The following PAM variants were observed in gnomAD, a reference collection of about 807,000 sequenced individuals.
PAM encodes the protein peptidyl-glycine alpha-amidating monooxygenase.
A neutral mutation model predicts 122.1 loss-of-function variants in PAM; 72 were observed. The ratio of observed to expected loss-of-function variants is 0.59; its 90% confidence interval spans 0.49 to 0.72. The LOEUF (loss-of-function observed/expected upper bound fraction) is 0.72. Among genes scored for constraint, PAM ranks in the 30% least tolerant of loss-of-function variants. The pLI is 0.00. For synonymous variants in PAM, 389 were observed against 404.4 expected, an observed-to-expected ratio of 0.96 and a Z score of 0.46; for missense variants, 1,106 against 1,183.7, an observed-to-expected ratio of 0.93 and a Z score of 0.96.
At chr5:102,822,817 A>C (rs1772399390) in intron 1 of PAM, among the ~76,000 whole-genome samples, 1 of 152,104 alleles carries the variant, frequency 6.6e-6, no homozygotes. Context: ...CTGGGTGAGG[A>C]AGCCAACTTT....
intron 2 of PAM, 116 bp from the exon 3 acceptor site, chr5:102,867,157 T>A (rs886074438): frequency 7.7e-6 from 5 of 650,038 alleles, no homozygotes; most frequent in Admixed American, 2.8e-5. Flanking sequence ...CTTTAGAGTT[T>A]TCATTGGGTT....
intron 1 of PAM, among the ~76,000 whole-genome samples, chr5:102,839,719 A>G (rs1321578648): frequency 6.6e-6 from 1 of 152,174 alleles, no homozygotes; most frequent in African/African-American, 2.4e-5. Context: ...CCAGTGAGTT[A>G]GAGTAGCCTA....
At chr5:102,794,664 C>G (rs981293463) in intron 1 of PAM, among the ~76,000 whole-genome samples, 2 of 151,910 alleles carry the variant, frequency 1.3e-5, no homozygotes, top group African/African-American at 4.8e-5. Context: ...ATTACATGTA[C>G]AAATTAAATA....
chr5:102,845,621 G>A (rs1023688536), intron 1 of PAM, among the ~76,000 whole-genome samples: 2 of 152,088 alleles, frequency 1.3e-5, no homozygotes, highest in South Asian at 2.1e-4. Context: ...AACTAATTAA[G>A]GTCAGAACAT....
At chr5:103,011,610 C>T (rs1780663110) in intron 21 of PAM, among the ~76,000 whole-genome samples, 1 of 152,124 alleles carries the variant, frequency 6.6e-6, no homozygotes, top group Non-Finnish European at 1.5e-5. Flanking sequence ...CTTTTTGTGG[C>T]TGAATAATAC....
intron 16 of PAM, among the ~76,000 whole-genome samples, chr5:102,998,471 A>G (rs1475389364): frequency 6.6e-6 from 1 of 152,218 alleles, no homozygotes; most frequent in African/African-American, 2.4e-5. Context: ...CAATCTACAT[A>G]TAAAGTAGAT....
intron 1 of PAM, among the ~76,000 whole-genome samples, chr5:102,823,056 A>T (rs1230627593): frequency 6.6e-6 from 1 of 152,180 alleles, no homozygotes; most frequent in Non-Finnish European, 1.5e-5. Context: ...GTTGAAAAAG[A>T]TTTCTGAGAA....
At chr5:102,868,222 A>G (rs1446255884) in intron 3 of PAM, among the ~76,000 whole-genome samples, 1 of 152,038 alleles carries the variant, frequency 6.6e-6, no homozygotes, top group Non-Finnish European at 1.5e-5. Flanking sequence ...GTGGCTGATG[A>G]CTCATTGTTG....
intron 5 of PAM, 97 bp downstream of exon 5, chr5:102,914,118 T>C: frequency 1.4e-6 from 1 of 704,334 alleles, no homozygotes; most frequent in Non-Finnish European, 2.6e-6. Context: ...AGTTAATAAA[T>C]AGGCAGAACA....
Position 102,979,122 on chromosome 5 carries a change from C to T in PAM, c.1483+4686C>T, listed in dbSNP as rs115581960. 7.1e-3 allele frequency among the ~76,000 whole-genome samples: 1,072 copies of T among 151,890 alleles called. 8 individuals are homozygous for T. Among genetic ancestry groups the T allele is most frequent in the Non-Finnish European group, 0.012 (840 of 67,940 alleles). The stretch of plus-strand genomic sequence containing the variant: ...AAATAGGAAGATGATTTTTTCTAGT[C>T]ATCTGATTATCTCAGGCTACAATTG... On this transcript the variant is annotated intron_variant, in intron 15 of 25. Coordinates refer to ENST00000438793, the MANE Select transcript of PAM (RefSeq NM_001177306.2).
At chr5:102,762,351 T>C (rs534267079) in intron 1 of PAM, among the ~76,000 whole-genome samples, 1 of 152,340 alleles carries the variant, frequency 6.6e-6, no homozygotes, top group African/African-American at 2.4e-5. Flanking sequence ...CCCAGTTTCA[T>C]GCTGTCCTTT....
At chr5:102,829,375 T>G (rs200459057) in intron 1 of PAM, among the ~76,000 whole-genome samples, 1 of 141,168 alleles carries the variant, frequency 7.1e-6, no homozygotes, top group Non-Finnish European at 1.5e-5. Flanking sequence ...TTTTTTTTTT[T>G]TTTTTTTTTT....
intron 1 of PAM, among the ~76,000 whole-genome samples, chr5:102,782,725 CTG>C (rs35149404): frequency 0.04 from 5,550 of 139,430 alleles, 126 homozygotes; most frequent in East Asian, 0.12. Context: ...CTCTCTCTCT[CTG>C]TGTGTGTGTG....
chr5:102,833,551 G>A (rs1438299978), intron 1 of PAM, among the ~76,000 whole-genome samples: 23 of 152,136 alleles, frequency 1.5e-4, no homozygotes, highest in Admixed American at 1.5e-3. Flanking sequence ...TTTCAATGTG[G>A]ACATTGAGAT....
intron 4 of PAM, among the ~76,000 whole-genome samples, chr5:102,901,642 C>T (rs980629796): frequency 1.3e-5 from 2 of 151,600 alleles, no homozygotes; most frequent in African/African-American, 4.8e-5. Flanking sequence ...GAGTTGCATG[C>T]AGATGTTGAT....
At chr5:102,976,314 T>G (rs1328666003) in intron 15 of PAM, among the ~76,000 whole-genome samples, 1 of 152,188 alleles carries the variant, frequency 6.6e-6, no homozygotes, top group East Asian at 1.9e-4. Context: ...TTTCACCATT[T>G]ACTGTAATGC....
intron 5 of PAM, among the ~76,000 whole-genome samples, chr5:102,921,828 T>A (rs1250437841): frequency 6.6e-6 from 1 of 151,996 alleles, no homozygotes; most frequent in East Asian, 1.9e-4. Flanking sequence ...GTGTCAAGAA[T>A]TGAGATAGAA....
chr5:102,825,429 G>C (rs984472252), intron 1 of PAM, among the ~76,000 whole-genome samples: 1 of 152,148 alleles, frequency 6.6e-6, no homozygotes, highest in African/African-American at 2.4e-5. Context: ...TAATCTTAGA[G>C]GGAACCCGGT....
At chr5:102,819,777 G>T (rs1771126534) in intron 1 of PAM, among the ~76,000 whole-genome samples, 1 of 152,112 alleles carries the variant, frequency 6.6e-6, no homozygotes, top group Non-Finnish European at 1.5e-5. Flanking sequence ...CTGAAAATGT[G>T]CAGTTCTGGC....
Sources: allele counts gnomAD v4.1 joint callset (sites outside exome capture counted in the v4.1 genomes callset), GRCh38; gene constraint gnomAD v4.1.1; transcripts MANE v1.5; gene names NCBI Gene and HGNC (gene_info 2026-07-23, HGNC 2026-07-21).